The following GALNT16 variants were observed in gnomAD, a reference collection of about 807,000 sequenced individuals.
GALNT16 encodes polypeptide N-acetylgalactosaminyltransferase 16.
A neutral mutation model predicts 76.1 loss-of-function variants in GALNT16; 40 were observed. The ratio of observed to expected loss-of-function variants is 0.53; its 90% CI spans 0.41 to 0.68. The LOEUF is 0.68. Among genes scored for constraint, GALNT16 ranks in the 30% least tolerant of loss-of-function variants. The pLI, the probability that GALNT16 is intolerant of heterozygous loss-of-function variation, is 0.00. For synonymous variants in GALNT16, 276 were observed against 285.2 expected, an observed-to-expected ratio of 0.97 and a Z score of 0.32; for missense variants, 621 against 731.9, an observed-to-expected ratio of 0.85 and a Z score of 1.75.
chr14:69,264,013 C>T (rs966280085), intron 1 of GALNT16, among the ~76,000 whole-genome samples: 7 of 152,232 alleles, frequency 4.6e-5, no homozygotes, highest in African/African-American at 1.7e-4. Flanking sequence ...GTCTTCAGTC[C>T]TCACAGTTGG....
intron 1 of GALNT16, among the ~76,000 whole-genome samples, chr14:69,287,779 G>T (rs2044633205): frequency 6.6e-6 from 1 of 152,150 alleles, no homozygotes. Context: ...CTTGTGTTCA[G>T]ATTTGAGGTG....
chr14:69,260,492 G>T (rs2044249949), intron 1 of GALNT16, 25 bp downstream of exon 1: 1 of 1,345,822 alleles, frequency 7.4e-7, no homozygotes, highest in Non-Finnish European at 9.5e-7. Flanking sequence ...AGCGTCGGCC[G>T]GCCGGCTAGG....
At chr14:69,380,141 C>T in the GALNT16 span, 1 of 153,094 alleles carries the variant, frequency 6.5e-6, no homozygotes, top group Non-Finnish European at 1.4e-5. Context: ...AACTAAAGGA[C>T]ATTTATTTAT....
At chr14:69,281,430 G>A (rs1465120298) in intron 1 of GALNT16, among the ~76,000 whole-genome samples, 1 of 152,192 alleles carries the variant, frequency 6.6e-6, no homozygotes, top group African/African-American at 2.4e-5. Context: ...CTTGTTAGGT[G>A]TGCAGGGTCC....
chr14:69,328,673 G>A (rs2045316555), intron 6 of GALNT16, 102 bp downstream of exon 6: 7 of 1,236,856 alleles, frequency 5.7e-6, no homozygotes, highest in Admixed American at 2.1e-5. Flanking sequence ...GGCAGGCATC[G>A]TAGGAAGCCC....
At chr14:69,343,701 C>T (rs941609425) in intron 12 of GALNT16, among the ~76,000 whole-genome samples, 3 of 152,216 alleles carry the variant, frequency 2.0e-5, no homozygotes, top group African/African-American at 7.2e-5. Context: ...CTAGTTCCAG[C>T]CCTAGGGCAG....
chr14:69,289,088 G>T (rs1213221800), intron 1 of GALNT16, among the ~76,000 whole-genome samples: 1 of 152,146 alleles, frequency 6.6e-6, no homozygotes, highest in African/African-American at 2.4e-5. Context: ...CTGTTGCCCA[G>T]GCTGGTCTCA....
Position 69,347,936 on chromosome 14 carries a change from C to T in GALNT16, c.1473C>T (p.Ser491=). ...QQQGKCLAAT[S]TLMSSPGSPV... is the part of the protein sequence containing the mutation. ...AGGGGAAGTGCCTGGCTGCCACCTC[C>T]ACCTTAATGTCCTCCCCTGGATCCC... Residue 491 remains serine (S), a synonymous_variant, in exon 14 of 15, where the codon TCC becomes TCT. Coordinates refer to ENST00000448469, the MANE Select transcript of GALNT16 (RefSeq NM_001168368.2). 6.2e-7 allele frequency: 1 copy of T among 1,614,076 alleles called. No individual in the cohort carries two copies. Among genetic ancestry groups the T allele is most frequent in the South Asian group, 1.1e-5 (1 of 91,084 alleles).
chr14:69,328,607 G>A (rs2045315567), intron 6 of GALNT16, 36 bp downstream of exon 6: 1 of 1,599,128 alleles, frequency 6.3e-7, no homozygotes, highest in South Asian at 1.1e-5. Context: ...GGCGTCCTTG[G>A]GGACTCAGCC....
At chr14:69,351,132 CAGCTTCCCACTAGGG>C (rs2045632173) in intron 14 of GALNT16, 1 of 152,298 alleles carries the variant, frequency 6.6e-6, no homozygotes, top group South Asian at 2.1e-4. Flanking sequence ...ACAAAGAAGG[CAGCTTCCCACTAGGG>C]GGTGTAGATT....
rs762357732 is a variant in GALNT16, at chr14:69,324,643, C to T, written c.336-49C>T. On this transcript the variant is annotated intron_variant, in intron 2 of 14. Transcript: ENST00000448469. ...TGGACAAAGAAAAACATTGACCTGC[C>T]CTGAGGATGCCCTCATGGCTGGCTC... The T allele has an allele frequency of 2.0e-5, 21 of 1,033,212 alleles. No individual in the cohort carries two copies. The South Asian group carries it at 3.0e-4, about 15-fold the overall frequency. The allele number at this position is 1,033,212 out of a possible 1,614,324, so 64.0% of individuals were successfully genotyped here. A position where few individuals can be genotyped will look rare whatever the true frequency, so the allele number is the denominator to read the frequency against.
chr14:69,320,971 C>T (rs1438309287), intron 2 of GALNT16, 103 bp downstream of exon 2: 20 of 1,168,206 alleles, frequency 1.7e-5, no homozygotes, highest in African/African-American at 3.0e-5. Context: ...GGATGATTTC[C>T]TCAGACTGTG....
the GALNT16 span, among the ~76,000 whole-genome samples, chr14:69,365,826 A>C: frequency 6.6e-6 from 1 of 152,150 alleles, no homozygotes; most frequent in Non-Finnish European, 1.5e-5. Context: ...GAAATAATGC[A>C]ATAAATACTT....
the GALNT16 span, among the ~76,000 whole-genome samples, chr14:69,371,356 C>T: frequency 3.9e-5 from 6 of 151,928 alleles, no homozygotes; most frequent in Non-Finnish European, 8.8e-5. Flanking sequence ...CTGGTTCAAG[C>T]GATTCTCCTG....
chr14:69,267,463 C>T (rs374702239), intron 1 of GALNT16, among the ~76,000 whole-genome samples: 32 of 152,356 alleles, frequency 2.1e-4, no homozygotes, highest in East Asian at 7.7e-4. Flanking sequence ...CTTCACGTTT[C>T]GCTGAAGAGC....
At chr14:69,283,530 G>A (rs533657300) in intron 1 of GALNT16, among the ~76,000 whole-genome samples, 4 of 152,300 alleles carry the variant, frequency 2.6e-5, no homozygotes, top group Non-Finnish European at 5.9e-5. Context: ...GGAGCTTTGT[G>A]TAATGTGCCA....
At position 69,260,488 on chromosome 14, in the gene GALNT16, G is replaced by A. The variant is rs779859838; in HGVS notation, c.177+21G>A. 12 of 1,358,284 alleles carry A rather than the reference G, an allele frequency of 8.8e-6. No homozygotes were observed. In the South Asian group the frequency reaches 2.3e-4, roughly 26 times the overall value. 84.1% of individuals were successfully genotyped at this position (1,358,284 alleles called of 1,614,324 possible). A position where few individuals can be genotyped will look rare whatever the true frequency, so the allele number is the denominator to read the frequency against. On this transcript the variant is annotated intron_variant, in intron 1 of 14. Coordinates refer to ENST00000448469, the MANE Select transcript of GALNT16 (RefSeq NM_001168368.2). The stretch of plus-strand genomic sequence containing the variant: ...TCATTGTGAGTACGCCCCGAGCGTC[G>A]GCCGGCCGGCTAGGGAGCCGCGGCG...
chr14:69,285,561 T>C (rs1248150833), intron 1 of GALNT16, among the ~76,000 whole-genome samples: 1 of 152,232 alleles, frequency 6.6e-6, no homozygotes, highest in Non-Finnish European at 1.5e-5. Context: ...TTAAGAAAGA[T>C]CCTTTAATTT....
At chr14:69,286,632 C>T (rs1338900722) in intron 1 of GALNT16, among the ~76,000 whole-genome samples, 1 of 152,030 alleles carries the variant, frequency 6.6e-6, no homozygotes, top group Non-Finnish European at 1.5e-5. Flanking sequence ...GCATTTTACA[C>T]ACACATAACT....
Sources: allele counts gnomAD v4.1 joint callset (sites outside exome capture counted in the v4.1 genomes callset), GRCh38; gene constraint gnomAD v4.1.1; transcripts MANE v1.5; gene names NCBI Gene and HGNC (gene_info 2026-07-23, HGNC 2026-07-21).